KLHL29: variants seen among roughly 807,000 people sequenced by gnomAD.
The protein encoded by KLHL29 is kelch-like protein 29.
Under a neutral mutation model 80.4 loss-of-function variants are expected in KLHL29, and 21 were observed. That is an observed-to-expected ratio of 0.26 (90% CI 0.19 to 0.38). KLHL29 has a LOEUF of 0.38. Among genes scored for constraint, KLHL29 ranks in the 10% least tolerant of loss-of-function variants. The probability of loss-of-function intolerance (pLI) is 1.00; values close to 1 mark genes in which losing one functional copy is unlikely to be tolerated. For synonymous variants in KLHL29, 511 were observed against 526.8 expected, an observed-to-expected ratio of 0.97 and a Z score of 0.41; for missense variants, 867 against 1,223.9, an observed-to-expected ratio of 0.71 and a Z score of 4.35.
chr2:23,544,697 AG>A (rs1666936578), intron 2 of KLHL29, among the ~76,000 whole-genome samples: 1 of 152,186 alleles, frequency 6.6e-6, no homozygotes, highest in African/African-American at 2.4e-5. Context: ...ATTTGAGAAG[AG>A]GCTGGAAGGC....
intron 2 of KLHL29, among the ~76,000 whole-genome samples, chr2:23,524,773 G>C (rs1245308553): frequency 6.6e-6 from 1 of 152,234 alleles, no homozygotes; most frequent in Non-Finnish European, 1.5e-5. Context: ...ACTTCATGGT[G>C]AGCAGAACAC....
At chr2:23,654,463 T>C (rs375385742) in intron 5 of KLHL29, among the ~76,000 whole-genome samples, 1 of 152,224 alleles carries the variant, frequency 6.6e-6, no homozygotes, top group Non-Finnish European at 1.5e-5. Context: ...ATAATTTCTA[T>C]ATTTTCAGTC....
At chr2:23,704,952 A>G (rs2149230561) in intron 13 of KLHL29, among the ~76,000 whole-genome samples, 1 of 152,390 alleles carries the variant, frequency 6.6e-6, no homozygotes, top group Non-Finnish European at 1.5e-5. Context: ...CTAGCATGTC[A>G]GTGACCTTGG....
intron 1 of KLHL29, among the ~76,000 whole-genome samples, chr2:23,406,051 G>A (rs1379707698): frequency 6.6e-6 from 1 of 152,204 alleles, no homozygotes; most frequent in African/African-American, 2.4e-5. Flanking sequence ...TGTCTAGGCT[G>A]AGCGTGGTGG....
intron 5 of KLHL29, among the ~76,000 whole-genome samples, chr2:23,646,854 T>C (rs903573780): frequency 6.6e-6 from 1 of 152,192 alleles, no homozygotes; most frequent in Admixed American, 6.5e-5. Flanking sequence ...TCTTTCCTCA[T>C]CTTTAAAGTG....
intron 1 of KLHL29, among the ~76,000 whole-genome samples, chr2:23,438,179 G>A (rs1397315742): frequency 8.6e-5 from 13 of 150,870 alleles, no homozygotes; most frequent in Non-Finnish European, 1.8e-4. Context: ...AGACTTTGCT[G>A]AAGTTGCTTA....
chr2:23,631,475 A>G (rs1040985677), intron 3 of KLHL29, among the ~76,000 whole-genome samples: 1 of 152,142 alleles, frequency 6.6e-6, no homozygotes, highest in Non-Finnish European at 1.5e-5. Flanking sequence ...AATTTAACAC[A>G]TCATTGGTTA....
intron 2 of KLHL29, among the ~76,000 whole-genome samples, chr2:23,497,595 A>G (rs1461706343): frequency 1.3e-5 from 2 of 152,162 alleles, no homozygotes; most frequent in African/African-American, 2.4e-5. Context: ...AAAGTTTTGT[A>G]GGGATTTAGG....
intron 1 of KLHL29, among the ~76,000 whole-genome samples, chr2:23,467,597 G>T (rs1664386372): frequency 6.6e-6 from 1 of 152,192 alleles, no homozygotes; most frequent in South Asian, 2.1e-4. Flanking sequence ...AGGAAGCAAT[G>T]CATTTTAAGA....
intron 1 of KLHL29, among the ~76,000 whole-genome samples, chr2:23,446,435 G>A (rs772577165): frequency 6.6e-6 from 1 of 152,026 alleles, no homozygotes; most frequent in Non-Finnish European, 1.5e-5. Context: ...TTCCATAGTC[G>A]AGAGCCAGCC....
At position 23,647,723 on chromosome 2, in the gene KLHL29, G is replaced by A. The variant is rs893291660; in HGVS notation, c.940+4873G>A. On this transcript the variant is annotated intron_variant, in intron 5 of 13. Coordinates refer to ENST00000486442, the MANE Select transcript of KLHL29 (RefSeq NM_052920.2). This position sits in a 1 kb window ranked among gnomAD's most constrained non-coding sequence, Gnocchi z 4.9. ...AGTTGCTCTGGGGACAACGGCCAGC[G>A]CTGACTCGGTGCTTGCCACCACTTC... is the stretch of plus-strand genomic sequence containing the variant. Among the ~76,000 whole-genome samples the A allele has an allele frequency of 4.6e-5, 7 of 152,002 alleles. No individual in the cohort carries two copies. Among genetic ancestry groups the A allele is most frequent in the Admixed American group, 6.6e-5 (1 of 15,266 alleles).
At chr2:23,469,576 A>T (rs1488633636) in intron 1 of KLHL29, among the ~76,000 whole-genome samples, 1 of 152,230 alleles carries the variant, frequency 6.6e-6, no homozygotes, top group African/African-American at 2.4e-5. Context: ...AGGCCTGTTT[A>T]TAAGAGCAAA....
intron 2 of KLHL29, among the ~76,000 whole-genome samples, chr2:23,557,361 G>A (rs1296006645): frequency 2.0e-5 from 3 of 152,310 alleles, no homozygotes; most frequent in South Asian, 2.1e-4. Context: ...ACGTTTGAAA[G>A]GGGAAATTAA....
intron 2 of KLHL29, among the ~76,000 whole-genome samples, chr2:23,547,467 C>A (rs1667006364): frequency 6.6e-6 from 1 of 151,912 alleles, no homozygotes. Flanking sequence ...TTAATTAAAC[C>A]CCTCCCTGCC....
chr2:23,693,536 C>A lies in KLHL29; in HGVS notation c.1542+8C>A, dbSNP rs894791469. On this transcript the variant is annotated splice_region_variant and intron_variant, in intron 8 of 13. Coordinates refer to ENST00000486442, the MANE Select transcript of KLHL29 (RefSeq NM_052920.2). ...CCCGCGACACGCACACAGGTGGGGC[C>A]TGCCCTGTCCCCCGCCCCTTCTCTC... 6.5e-6 allele frequency: 10 copies of A among 1,542,772 alleles called. No individual in the cohort carries two copies. The Admixed American group carries it at 2.0e-4, about 30-fold the overall frequency.
intron 2 of KLHL29, among the ~76,000 whole-genome samples, chr2:23,487,037 T>G (rs1428587871): frequency 6.6e-6 from 1 of 152,194 alleles, no homozygotes; most frequent in African/African-American, 2.4e-5. Flanking sequence ...CTAAATAACT[T>G]ATCCAAGGTC....
At chr2:23,627,993 C>T (rs185164698) in intron 3 of KLHL29, among the ~76,000 whole-genome samples, 15 of 148,200 alleles carry the variant, frequency 1.0e-4, no homozygotes, top group Admixed American at 4.1e-4. Flanking sequence ...CCGCAACCTC[C>T]GCTTCCCGGG....
chr2:23,392,344 A>G (rs1367961696), intron 1 of KLHL29, among the ~76,000 whole-genome samples: 2 of 152,218 alleles, frequency 1.3e-5, no homozygotes, highest in African/African-American at 4.8e-5. Flanking sequence ...AGCATAAGAC[A>G]TTTGCATCAC....
At chr2:23,459,015 C>T (rs1205201138) in intron 1 of KLHL29, among the ~76,000 whole-genome samples, 1 of 152,086 alleles carries the variant, frequency 6.6e-6, no homozygotes, top group Non-Finnish European at 1.5e-5. Flanking sequence ...CAAGAGAGGA[C>T]AGTGGCAGTG....
Sources: gnomAD v4.1 joint callset for allele counts (sites outside exome capture counted in the v4.1 genomes callset) on GRCh38, gnomAD v4.1.1 for gene constraint, Gnocchi (gnomAD v3.1) non-coding constraint, MANE v1.5 for transcripts, NCBI Gene and HGNC (gene_info 2026-07-23, HGNC 2026-07-21) for gene names.